Variants in KIRREL3 observed in about 807,000 individuals in gnomAD.
The protein encoded by KIRREL3 is kirre like nephrin family adhesion molecule 3, also known as kin of IRRE-like protein 3.
A neutral mutation model predicts 89.7 loss-of-function variants in KIRREL3; 36 were observed. The ratio of observed to expected loss-of-function variants is 0.40; its 90% CI spans 0.31 to 0.53. KIRREL3 has a LOEUF of 0.53. Among genes scored for constraint, KIRREL3 ranks in the 20% least tolerant of loss-of-function variants. KIRREL3 has a pLI of 0.49. For synonymous variants in KIRREL3, 445 were observed against 441.4 expected (o/e 1.01, Z -0.10); for missense variants, 864 against 1,056.6 (o/e 0.82, Z 2.53).
In KIRREL3 at chr11:126,454,666, T is replaced by A. The variant is rs1316078122; in HGVS notation, c.848+1683A>T. Among the ~76,000 whole-genome samples the A allele has an allele frequency of 6.6e-6, 1 of 151,116 alleles. No homozygotes were observed. The highest frequency in any genetic ancestry group is 6.6e-5 in the Admixed American group (1 of 15,160). ...AGCGTGGAAGCCTAGGGCCAGGGAG[T>A]CTCATTGGGCGCCTCTCTTGTATCT... On this transcript the variant is annotated intron_variant, in intron 7 of 16. Transcript: ENST00000525144. The surrounding 1 kb of genome is among the most constrained non-coding windows in gnomAD (Gnocchi z 5.8).
chr11:126,788,118 C>A lies in KIRREL3; in HGVS notation c.55+212337G>T, dbSNP rs1950535302. 6.6e-6 allele frequency among the ~76,000 whole-genome samples: 1 copy of A among 152,164 alleles called. No homozygotes were observed. The highest frequency in any genetic ancestry group is 6.5e-5 in the Admixed American group (1 of 15,286). On this transcript the variant is annotated intron_variant, in intron 1 of 16. Coordinates refer to ENST00000525144, the MANE Select transcript of KIRREL3 (RefSeq NM_032531.4). The surrounding 1 kb of genome is among the most constrained non-coding windows in gnomAD (Gnocchi z 4.1). ...CTTAGCCACGACAATATTCCGCCTC[C>A]CATAGCATCTAAAATCTGCTAGACA... is the stretch of plus-strand genomic sequence containing the variant.
At chr11:126,923,481 T>A in intron 1 of KIRREL3, among the ~76,000 whole-genome samples, 1 of 133,454 alleles carries the variant, frequency 7.5e-6, no homozygotes, top group Non-Finnish European at 1.6e-5. Context: ...TCTCGCACTA[T>A]CGCCCAGGCT....
rs139267577 is a variant in KIRREL3 at position 126,710,200 on chromosome 11, C to T, written c.56-147288G>A. The stretch of plus-strand genomic sequence containing the variant: ...TGGCATCAGTGGACCCCAGATCTGT[C>T]CACAGGCAGCAGGGCCCTGACCAAC... On this transcript the variant is annotated intron_variant, in intron 1 of 16. Transcript: ENST00000525144. The surrounding 1 kb of genome is among the most constrained non-coding windows in gnomAD (Gnocchi z 4.2). Among the ~76,000 whole-genome samples the T allele has an allele frequency of 1.2e-4, 18 of 152,284 alleles. 1 individual carries two copies. Among genetic ancestry groups the T allele is most frequent in the African/African-American group, 4.3e-4 (18 of 41,558 alleles).
chr11:126,676,540 T>C lies in KIRREL3; in HGVS notation c.56-113628A>G, dbSNP rs1946196770. 6.6e-6 allele frequency among the ~76,000 whole-genome samples: 1 copy of C among 152,148 alleles called. No individual in the cohort carries two copies. Among genetic ancestry groups the C allele is most frequent in the Admixed American group, 6.5e-5 (1 of 15,280 alleles). The stretch of plus-strand genomic sequence containing the variant: ...TTGTTTTGTTTGAGTTGGGGGGAGA[T>C]GCTGCGAGTCCTTTAAAGAACCTCC... On this transcript the variant is annotated intron_variant, in intron 1 of 16. Coordinates refer to ENST00000525144, the MANE Select transcript of KIRREL3 (RefSeq NM_032531.4). This position sits in a 1 kb window ranked among gnomAD's most constrained non-coding sequence, Gnocchi z 4.5.
rs1400519389 is a variant in KIRREL3 at position 126,879,675 on chromosome 11, TA to T, written c.55+120779del. Among the ~76,000 whole-genome samples, 1 of 152,226 alleles carries T rather than the reference TA, an allele frequency of 6.6e-6. No individual in the cohort carries two copies. The highest frequency in any genetic ancestry group is 1.5e-5 in the Non-Finnish European group (1 of 68,044). ...GAGGCCTCTCAAAAGAATGGAGAGATAGCCTTGATATTTGTGGTTCAGTCAT... is the reference window on the plus strand; with the variant it reads ...GAGGCCTCTCAAAAGAATGGAGAGATGCCTTGATATTTGTGGTTCAGTCAT... On this transcript the variant is annotated intron_variant, in intron 1 of 16. Transcript: ENST00000525144. This position sits in a 1 kb window ranked among gnomAD's most constrained non-coding sequence, Gnocchi z 5.4.
At chr11:126,658,685 C>T (rs562761443) in intron 1 of KIRREL3, among the ~76,000 whole-genome samples, 1 of 152,314 alleles carries the variant, frequency 6.6e-6, no homozygotes, top group South Asian at 2.1e-4. Context: ...TTTTCTTTGT[C>T]TTTAAGGTGC....
rs55920555 is a variant in KIRREL3, at chr11:126,998,956, T to TGTGTGTGC, written c.55+1498_55+1499insGCACACAC. On this transcript the variant is annotated intron_variant, in intron 1 of 16. Transcript: ENST00000525144. ...GTGTGTGTGTGTGTGTGTGTGTGTGTGCTCATAAGCAAGCACATACACATC... is the reference window on the plus strand; with the variant it reads ...GTGTGTGTGTGTGTGTGTGTGTGTGTGTGTGTGCGCTCATAAGCAAGCACATACACATC... Among the ~76,000 whole-genome samples the TGTGTGTGC allele has an allele frequency of 1.2e-3, 139 of 120,690 alleles. 1 individual carries two copies. The highest frequency in any genetic ancestry group is 8.8e-3 in the East Asian group (39 of 4,444). 79.2% of individuals were successfully genotyped at this position (120,690 alleles called of 152,430 possible).
chr11:126,477,087 G>A lies in KIRREL3; in HGVS notation c.434-3621C>T, dbSNP rs1957087744. Reference sequence around the variant, plus strand: ...GAGGACTGAGCGGATCCCAGGCAGAGTGGGTCCCCAGAGCTGGAAGCCAGC... The same window carrying A: ...GAGGACTGAGCGGATCCCAGGCAGAATGGGTCCCCAGAGCTGGAAGCCAGC... On this transcript the variant is annotated intron_variant, in intron 4 of 16. Transcript: ENST00000525144. The surrounding 1 kb of genome is among the most constrained non-coding windows in gnomAD (Gnocchi z 4.8). Among the ~76,000 whole-genome samples the A allele has an allele frequency of 6.6e-6, 1 of 152,260 alleles. No homozygotes were observed. The highest frequency in any genetic ancestry group is 6.5e-5 in the Admixed American group (1 of 15,290).
chr11:126,452,550 C>A (rs1383591861), intron 7 of KIRREL3, among the ~76,000 whole-genome samples: 2 of 152,232 alleles, frequency 1.3e-5, no homozygotes, highest in East Asian at 1.9e-4. Context: ...GCCAAGCATG[C>A]GTCTTCCTCA....
chr11:126,608,341 G>A lies in KIRREL3; in HGVS notation c.56-45429C>T, dbSNP rs946950155. 6.6e-5 allele frequency among the ~76,000 whole-genome samples: 10 copies of A among 152,220 alleles called. No homozygotes were observed. The highest frequency in any genetic ancestry group is 1.3e-4 in the Non-Finnish European group (9 of 68,036). ...TCTAATTAGTGCAGGCCCAACTTCT[G>A]ACTTCCTGTGCGGGGGCTCCTCCTC... is the stretch of plus-strand genomic sequence containing the variant. On this transcript the variant is annotated intron_variant, in intron 1 of 16. Coordinates refer to ENST00000525144, the MANE Select transcript of KIRREL3 (RefSeq NM_032531.4). The surrounding 1 kb of genome is among the most constrained non-coding windows in gnomAD (Gnocchi z 4.9).
rs1309861272 is a variant in KIRREL3 at position 126,550,783 on chromosome 11, C to T, written c.133+12052G>A. On this transcript the variant is annotated intron_variant, in intron 2 of 16. Transcript: ENST00000525144. This position sits in a 1 kb window ranked among gnomAD's most constrained non-coding sequence, Gnocchi z 4.9. ...CCCAACTGCATTTTTCCTCTACACT[C>T]ACCACAACAGTCCACACAGGAGACC... is the stretch of plus-strand genomic sequence containing the variant. 1 of 152,234 alleles carries T rather than the reference C, an allele frequency of 6.6e-6. No homozygotes were observed. The highest frequency in any genetic ancestry group is 1.5e-5 in the Non-Finnish European group (1 of 68,060). 9.4% of individuals were successfully genotyped at this position (152,234 alleles called of 1,614,324 possible).
Position 126,788,722 on chromosome 11 carries a change from T to C in KIRREL3, c.55+211733A>G, listed in dbSNP as rs116871769. 5.2e-3 allele frequency among the ~76,000 whole-genome samples: 794 copies of C among 152,280 alleles called. 3 individuals carry two copies. The highest frequency in any genetic ancestry group is 8.1e-3 in the Non-Finnish European group (552 of 68,022). ...GCCCTACAATTGCTATCAAAGGAAC[T>C]GATTGTTTTGATCTGGAAGCCGTCA... is the stretch of plus-strand genomic sequence containing the variant. On this transcript the variant is annotated intron_variant, in intron 1 of 16. Coordinates refer to ENST00000525144, the MANE Select transcript of KIRREL3 (RefSeq NM_032531.4). The surrounding 1 kb of genome is among the most constrained non-coding windows in gnomAD (Gnocchi z 4.1).
At chr11:126,824,580 G>A (rs1943340422) in intron 1 of KIRREL3, among the ~76,000 whole-genome samples, 1 of 152,204 alleles carries the variant, frequency 6.6e-6, no homozygotes, top group African/African-American at 2.4e-5. Flanking sequence ...ATTTAATGGG[G>A]AAAGGGACGA....
rs1308870965 is a variant in KIRREL3 at position 126,729,886 on chromosome 11, A to G, written c.56-166974T>C. ...TCATAGGCTCCTCTGCTCCTAAACC[A>G]GTCCTTTGAGGTATCTGGCAGACAG... On this transcript the variant is annotated intron_variant, in intron 1 of 16. Coordinates refer to ENST00000525144, the MANE Select transcript of KIRREL3 (RefSeq NM_032531.4). This position sits in a 1 kb window ranked among gnomAD's most constrained non-coding sequence, Gnocchi z 4.5. 6.6e-6 allele frequency among the ~76,000 whole-genome samples: 1 copy of G among 152,156 alleles called. No homozygotes were observed. Among genetic ancestry groups the G allele is most frequent in the Non-Finnish European group, 1.5e-5 (1 of 68,012 alleles).
intron 1 of KIRREL3, among the ~76,000 whole-genome samples, chr11:126,841,513 C>A (rs996250948): frequency 6.6e-6 from 1 of 152,206 alleles, no homozygotes; most frequent in South Asian, 2.1e-4. Context: ...TCTATGGCAC[C>A]ATAAGATTGC....
chr11:126,497,167 T>C (rs987919861), intron 4 of KIRREL3, among the ~76,000 whole-genome samples: 1 of 149,494 alleles, frequency 6.7e-6, no homozygotes, highest in African/African-American at 2.5e-5. Flanking sequence ...AGAGTGTGCA[T>C]GTGTAAGAGA....
At position 126,740,493 on chromosome 11, in the gene KIRREL3, G is replaced by GC. The variant is rs1386282223; in HGVS notation, c.56-177582dup. ...CCTCTGACTTGAGTGTGACACAAAA[G>GC]CCCCCCACTCACAGATCCCTCTCCT... On this transcript the variant is annotated intron_variant, in intron 1 of 16. Transcript: ENST00000525144. This position sits in a 1 kb window ranked among gnomAD's most constrained non-coding sequence, Gnocchi z 6.0. Among the ~76,000 whole-genome samples, 1 of 152,090 alleles carries GC rather than the reference G, an allele frequency of 6.6e-6. No homozygotes were observed. The highest frequency in any genetic ancestry group is 1.5e-5 in the Non-Finnish European group (1 of 67,996).
chr11:126,758,578 C>A (rs1949577251), intron 1 of KIRREL3, among the ~76,000 whole-genome samples: 2 of 152,184 alleles, frequency 1.3e-5, no homozygotes, highest in African/African-American at 4.8e-5. Context: ...CTCTCCCCAC[C>A]AAAGTGCTAA....
chr11:126,966,718 A>G lies in KIRREL3; in HGVS notation c.55+33737T>C, dbSNP rs561404842. Among the ~76,000 whole-genome samples the G allele has an allele frequency of 1.8e-4, 27 of 152,292 alleles. No individual in the cohort carries two copies. In the South Asian group the frequency reaches 5.6e-3, roughly 32 times the overall value. ...CCTTCTCTTAACTAGCATGGCCAAG[A>G]TACCAACAGACTTGCTCCGTGGACA... On this transcript the variant is annotated intron_variant, in intron 1 of 16. Transcript: ENST00000525144.
Sources: allele counts gnomAD v4.1 joint callset (sites outside exome capture counted in the v4.1 genomes callset), GRCh38; gene constraint gnomAD v4.1.1; non-coding constraint Gnocchi (gnomAD v3.1); transcripts MANE v1.5; gene names NCBI Gene and HGNC (gene_info 2026-07-23, HGNC 2026-07-21).